The following NFATC2IP variants were observed in gnomAD, a reference collection of about 807,000 sequenced individuals.
The protein encoded by NFATC2IP is nuclear factor of activated T cells 2 interacting protein.
In NFATC2IP, 25 loss-of-function variants were observed where a neutral mutation model predicts 40.2. The observed-to-expected ratio is 0.62, with a 90% confidence interval of 0.45 to 0.87. The LOEUF (loss-of-function observed/expected upper bound fraction) is 0.87. Ranked by LOEUF, NFATC2IP falls within the 40% of genes least tolerant of loss-of-function variation. NFATC2IP has a pLI of 0.00. For synonymous variants in NFATC2IP, 241 were observed against 236.3 expected, an observed-to-expected ratio of 1.02 and a Z score of -0.18; for missense variants, 553 against 555.6, an observed-to-expected ratio of 1.00 and a Z score of 0.05.
Position 28,966,578 on chromosome 16 carries a change from C to T in NFATC2IP, c.*2715C>T, listed in dbSNP as rs867316378. On this transcript the variant is annotated 3_prime_UTR_variant, in exon 8 of 8. Transcript: ENST00000320805. The stretch of plus-strand genomic sequence containing the variant: ...ATTCAAGACTGAAACCTTGTCTCTA[C>T]TGAAAATACAAAAAAAAAAAAAAAA... 5 of 118,276 alleles carry T rather than the reference C, an allele frequency of 4.2e-5. No homozygotes were observed. The highest frequency in any genetic ancestry group is 8.4e-5 in the Non-Finnish European group (5 of 59,390). The allele number at this position is 118,276 out of a possible 1,614,324, so 7.3% of individuals were successfully genotyped here.
Position 28,956,299 on chromosome 16 carries a change from C to T in NFATC2IP, c.808C>T (p.Arg270Cys), listed in dbSNP as rs555198250. The part of the protein sequence containing the change: ...ETPRLFPLKI[R>C]CRADLVRLPL... ...CCCCCGACTCTTCCCACTCAAAATC[C>T]GTTGCCGGGCTGACCTGGTCAGATT... The change falls in exon 5 of 8, where the codon CGT becomes TGT. Residue 270 changes from arginine (R) to cysteine (C), a missense_variant. By Grantham distance (180) the Arg-to-Cys change is radical. Transcript: ENST00000320805. The T allele has an allele frequency of 3.3e-5, 54 of 1,614,054 alleles. No homozygotes were observed. The highest frequency in any genetic ancestry group is 2.2e-4 in the South Asian group (20 of 91,068).
chr16:28,959,966 G>C (rs749473723), intron 7 of NFATC2IP, among the ~76,000 whole-genome samples: 2 of 152,188 alleles, frequency 1.3e-5, no homozygotes, highest in Non-Finnish European at 2.9e-5. Flanking sequence ...GAGCCTAGAA[G>C]TCTGAATTGA....
rs138279409 is a variant in NFATC2IP at position 28,956,003 on chromosome 16, C to G, written c.604C>G (p.Pro202Ala). The G allele has an allele frequency of 1.5e-4, 238 of 1,614,114 alleles. 2 individuals carry two copies. The East Asian group carries it at 5.0e-3, about 34-fold the overall frequency. ...FLDLDNSPLS[P>A]PSPRTKSRTH... ...GGATCTGGACAACTCTCCTCTGTCC[C>G]CACCTTCACCAAGGACCAAAAGCAG... Residue 202 changes from proline to alanine, a missense_variant, in exon 4 of 8, where the codon CCA (proline) becomes GCA (alanine). Pro to Ala is a conservative substitution (Grantham distance 27). Transcript: ENST00000320805.
chr16:28,951,941 G>A lies in NFATC2IP; in HGVS notation c.388-191G>A, dbSNP rs376544689. ...TTCAGAGTGTCTTAGGCAGATGGAG[G>A]AAAGGGTGAAGGGTACTTCCATTCT... On this transcript the variant is annotated intron_variant, in intron 1 of 7. Transcript: ENST00000320805. 2.0e-5 allele frequency among the ~76,000 whole-genome samples: 3 copies of A among 152,154 alleles called. No homozygotes were observed. In the East Asian group the frequency reaches 5.8e-4, roughly 29 times the overall value.
At chr16:28,960,841 A>G (rs1567514361) in intron 7 of NFATC2IP, among the ~76,000 whole-genome samples, 1 of 152,204 alleles carries the variant, frequency 6.6e-6, no homozygotes. Flanking sequence ...AGACCTCACC[A>G]GAAACACCTT....
At position 28,956,328 on chromosome 16, in the gene NFATC2IP, C is replaced by T. The variant is rs748109175; in HGVS notation, c.837C>T (p.Pro279=). The T allele has an allele frequency of 6.2e-7, 1 of 1,613,470 alleles. No individual in the cohort carries two copies. Among genetic ancestry groups the T allele is most frequent in the Non-Finnish European group, 8.5e-7 (1 of 1,179,628 alleles). ...IRCRADLVRL[P]LRMSEPLQSV... Reference sequence around the variant, plus strand: ...GCCGGGCTGACCTGGTCAGATTGCCCCTCAGGATGGTGAGTGCCTGAGGCC... The same window carrying T: ...GCCGGGCTGACCTGGTCAGATTGCCTCTCAGGATGGTGAGTGCCTGAGGCC... The change falls in exon 5 of 8, where the codon CCC becomes CCT. Residue 279 remains proline (P), a synonymous_variant. Transcript: ENST00000320805.
chr16:28,961,304 G>A (rs376751994), intron 7 of NFATC2IP, among the ~76,000 whole-genome samples: 6 of 138,040 alleles, frequency 4.3e-5, no homozygotes, highest in South Asian at 2.3e-4. Flanking sequence ...CTCCAGCCTG[G>A]GAGACAGCAA....
At position 28,964,347 on chromosome 16, in the gene NFATC2IP, C is replaced by G. The variant is rs1965121183; in HGVS notation, c.*484C>G. 6.4e-6 allele frequency: 1 copy of G among 156,128 alleles called. No homozygotes were observed. The highest frequency in any genetic ancestry group is 2.4e-5 in the African/African-American group (1 of 41,496). The allele number at this position is 156,128 out of a possible 1,614,324, so 9.7% of individuals were successfully genotyped here. On this transcript the variant is annotated 3_prime_UTR_variant, in exon 8 of 8. Transcript: ENST00000320805. ...GAGGCTTATACACTGGTGTGGTTGC[C>G]TGGCTTGCAGGAAATGACCAAGCTC...
chr16:28,953,667 C>T (rs1006151412), intron 2 of NFATC2IP, among the ~76,000 whole-genome samples: 1 of 152,082 alleles, frequency 6.6e-6, no homozygotes, highest in Admixed American at 6.6e-5. Context: ...GCTGTAATCC[C>T]AGCACTTTGG....
At chr16:28,963,336 G>A (rs8061893) in intron 7 of NFATC2IP, among the ~76,000 whole-genome samples, 1 of 152,130 alleles carries the variant, frequency 6.6e-6, no homozygotes, top group African/African-American at 2.4e-5. Flanking sequence ...CCTCCAGCTC[G>A]ACTCATCCTC....
chr16:28,965,087 C>G lies in NFATC2IP; in HGVS notation c.*1224C>G, dbSNP rs1344963053. On this transcript the variant is annotated 3_prime_UTR_variant, in exon 8 of 8. Coordinates refer to ENST00000320805, the MANE Select transcript of NFATC2IP (RefSeq NM_032815.4). ...CCTTGCCAGCACTTGTATTGCCAGA[C>G]TACCTAATTTTTGCCAGTCTCATGG... The G allele has an allele frequency of 6.6e-6, 1 of 152,208 alleles. No homozygotes were observed. Among genetic ancestry groups the G allele is most frequent in the Non-Finnish European group, 1.5e-5 (1 of 68,046 alleles). The allele number at this position is 152,208 out of a possible 1,614,324, so 9.4% of individuals were successfully genotyped here.
chr16:28,958,356 CAA>C (rs373309094), intron 5 of NFATC2IP: 88 of 115,820 alleles, frequency 7.6e-4, no homozygotes, highest in South Asian at 2.8e-3. Flanking sequence ...AACTCCGTCT[CAA>C]AAAAAAAAAA....
intron 5 of NFATC2IP, 52 bp from the exon 6 acceptor site, chr16:28,958,665 G>T: frequency 1.3e-6 from 2 of 1,519,304 alleles, no homozygotes; most frequent in Non-Finnish European, 9.0e-7. Flanking sequence ...GTGGCTGGGG[G>T]CATGGATTTC....
intron 1 of NFATC2IP, 116 bp from the exon 2 acceptor site, chr16:28,952,016 T>C: frequency 1.4e-6 from 2 of 1,407,858 alleles, no homozygotes; most frequent in Non-Finnish European, 2.0e-6. Context: ...GGCCAAGGTG[T>C]CCACGATCTT....
chr16:28,958,888 C>T (rs1276858948), intron 6 of NFATC2IP, 27 bp downstream of exon 6: 2 of 1,612,642 alleles, frequency 1.2e-6, no homozygotes, highest in South Asian at 2.2e-5. Context: ...GAGGTGGGGC[C>T]TTGAGGCATT....
chr16:28,957,194 C>T (rs916728364), intron 5 of NFATC2IP: 10 of 151,896 alleles, frequency 6.6e-5, no homozygotes, highest in Admixed American at 2.6e-4. Context: ...CCACCATGCC[C>T]GACTAATTTA....
In NFATC2IP at chr16:28,960,187, T is replaced by A. The variant is rs141948406; in HGVS notation, c.1101+1087T>A. Among the ~76,000 whole-genome samples, 940 of 152,332 alleles carry A rather than the reference T, an allele frequency of 6.2e-3. 8 individuals are homozygous for A. The highest frequency in any genetic ancestry group is 9.5e-3 in the Non-Finnish European group (645 of 68,034). ...AGGTCATGTTGGGCTAGCCCCACTC[T>A]AACCAAGCACAACCTCATCTCAACT... On this transcript the variant is annotated intron_variant, in intron 7 of 7. Transcript: ENST00000320805.
At position 28,951,211 on chromosome 16, in the gene NFATC2IP, C is replaced by T; in HGVS notation, c.200C>T (p.Ala67Val). The T allele has an allele frequency of 6.5e-7, 1 of 1,535,034 alleles. No individual in the cohort carries two copies. The highest frequency in any genetic ancestry group is 2.0e-5 in the Admixed American group (1 of 49,864). ...EILEVATARG[A>V]ADEVEVEPPE... ...CTGGAGGTCGCCACCGCTCGCGGTG[C>T]CGCGGACGAGGTTGAGGTGGAGCCC... The change falls in exon 1 of 8, where the codon GCC becomes GTC. Residue 67 changes from alanine to valine, a missense_variant. Coordinates refer to ENST00000320805, the MANE Select transcript of NFATC2IP (RefSeq NM_032815.4).
At chr16:28,952,428 TG>T in intron 2 of NFATC2IP, 1 of 637,750 alleles carries the variant, frequency 1.6e-6, no homozygotes, top group Non-Finnish European at 2.5e-6. Context: ...TCTGTAGTCC[TG>T]GGCGGGGCAG....
Sources: gnomAD v4.1 joint callset for allele counts (sites outside exome capture counted in the v4.1 genomes callset) on GRCh38, gnomAD v4.1.1 for gene constraint, MANE v1.5 for transcripts, NCBI Gene and HGNC (gene_info 2026-07-23, HGNC 2026-07-21) for gene names.